SLC24A2: variants seen among roughly 807,000 people sequenced by gnomAD.
The protein encoded by SLC24A2 is sodium/potassium/calcium exchanger 2.
SLC24A2 carries 36 observed loss-of-function variants against 62.0 expected under a neutral mutation model. That is an observed-to-expected ratio of 0.58 (90% CI 0.44 to 0.77). The LOEUF (loss-of-function observed/expected upper bound fraction) is 0.77. Ranked by LOEUF, SLC24A2 falls within the 30% of genes least tolerant of loss-of-function variation. The pLI, the probability that SLC24A2 is intolerant of heterozygous loss-of-function variation, is 0.00. For synonymous variants in SLC24A2, 358 were observed against 294.0 expected (o/e 1.22, Z -2.23); for missense variants, 846 against 817.9 (o/e 1.03, Z -0.42).
chr9:20,009,794 G>T, the SLC24A2 span, among the ~76,000 whole-genome samples: 3 of 152,082 alleles, frequency 2.0e-5, no homozygotes, highest in Admixed American at 2.0e-4. Flanking sequence ...TCCAGCTGCA[G>T]CATGATTACT....
At chr9:19,569,296 A>G (rs1020674125) in intron 7 of SLC24A2, among the ~76,000 whole-genome samples, 8 of 152,208 alleles carry the variant, frequency 5.3e-5, no homozygotes, top group Non-Finnish European at 7.3e-5. Flanking sequence ...TGTGGACCAC[A>G]GTGTGCCAAT....
chr9:19,550,776 C>T (rs571532924), intron 7 of SLC24A2, among the ~76,000 whole-genome samples: 1 of 150,296 alleles, frequency 6.7e-6, no homozygotes, highest in African/African-American at 2.4e-5. Flanking sequence ...TTCAGTAATA[C>T]TACTAAGAGA....
the SLC24A2 span, among the ~76,000 whole-genome samples, chr9:19,955,734 C>T: frequency 6.6e-6 from 1 of 152,038 alleles, no homozygotes; most frequent in East Asian, 1.9e-4. Context: ...TTTCCTCCAT[C>T]CTCTCCCAAA....
At chr9:20,069,123 T>C in the SLC24A2 span, among the ~76,000 whole-genome samples, 1 of 152,214 alleles carries the variant, frequency 6.6e-6, no homozygotes, top group Admixed American at 6.5e-5. Context: ...CTTGACTTTT[T>C]CTTCTCCCTT....
chr9:20,168,506 CA>C, the SLC24A2 span, among the ~76,000 whole-genome samples: 1 of 151,324 alleles, frequency 6.6e-6, no homozygotes. Flanking sequence ...TTCAACTCAA[CA>C]AAAAAGGAAG....
chr9:19,788,790 C>T (rs967385095), intron 1 of SLC24A2, 95 bp downstream of exon 1: 1 of 985,468 alleles, frequency 1.0e-6, no homozygotes, highest in Non-Finnish European at 1.2e-6. Context: ...CACCTGTGAG[C>T]CTGCAGAGCA....
chr9:19,619,511 C>A, intron 4 of SLC24A2, 73 bp downstream of exon 4: 2 of 1,153,628 alleles, frequency 1.7e-6, no homozygotes, highest in East Asian at 2.3e-5. Flanking sequence ...AGCACAAACA[C>A]GTTTTATGCA....
intron 2 of SLC24A2, among the ~76,000 whole-genome samples, chr9:19,644,493 G>A (rs1287088114): frequency 2.0e-5 from 3 of 152,092 alleles, no homozygotes; most frequent in African/African-American, 7.2e-5. Flanking sequence ...AGTGAGAAAG[G>A]GAAATATTCA....
At chr9:19,996,691 G>A in the SLC24A2 span, among the ~76,000 whole-genome samples, 2 of 147,406 alleles carry the variant, frequency 1.4e-5, no homozygotes, top group African/African-American at 2.5e-5. Flanking sequence ...GCAGTGAGCC[G>A]AGATGGTGCC....
chr9:19,636,315 T>TTTTCTTTCC lies in SLC24A2; in HGVS notation c.931-14017_931-14016insGGAAAGAAA, dbSNP rs1818329839. 1.2e-4 allele frequency among the ~76,000 whole-genome samples: 5 copies of TTTTCTTTCC among 40,320 alleles called. 1 individual carries two copies. The highest frequency in any genetic ancestry group is 4.6e-4 in the African/African-American group (4 of 8,652). The allele number at this position is 40,320 out of a possible 152,430, so 26.5% of individuals were successfully genotyped here. ...TTTTCTTTTCTTTTCTTTTCTTTTC[T>TTTTCTTTCC]TTTCTTTCTTTCTTTCTTTCTTTCT... On this transcript the variant is annotated intron_variant, in intron 2 of 10. Coordinates refer to ENST00000341998, the MANE Select transcript of SLC24A2 (RefSeq NM_020344.4).
At chr9:20,198,693 A>G in the SLC24A2 span, among the ~76,000 whole-genome samples, 1 of 115,354 alleles carries the variant, frequency 8.7e-6, no homozygotes, top group East Asian at 2.3e-4. Flanking sequence ...CTCCACCCCC[A>G]CCCCCTTCTC....
intron 4 of SLC24A2, among the ~76,000 whole-genome samples, chr9:19,610,280 AT>A (rs1044711169): frequency 6.6e-6 from 1 of 151,966 alleles, no homozygotes; most frequent in Non-Finnish European, 1.5e-5. Context: ...AAGAACCTTC[AT>A]TTTTTTTGCA....
At chr9:19,629,788 C>G (rs912249098) in intron 2 of SLC24A2, among the ~76,000 whole-genome samples, 1 of 152,118 alleles carries the variant, frequency 6.6e-6, no homozygotes, top group Non-Finnish European at 1.5e-5. Flanking sequence ...AGGACTAGTG[C>G]TATTTCATTG....
At chr9:19,522,930 G>T (rs1833268371) in intron 9 of SLC24A2, among the ~76,000 whole-genome samples, 1 of 152,228 alleles carries the variant, frequency 6.6e-6, no homozygotes, top group African/African-American at 2.4e-5. Flanking sequence ...AGACTGAGCA[G>T]ATGCTGACTA....
At chr9:19,849,075 C>G in the SLC24A2 span, among the ~76,000 whole-genome samples, 108,548 of 152,048 alleles carry the variant, frequency 0.71, 39,002 homozygotes, top group Non-Finnish European at 0.74. Flanking sequence ...GAAATGTGTA[C>G]AGGGCTGGGG....
chr9:19,525,390 AC>A (rs57906810), intron 9 of SLC24A2, among the ~76,000 whole-genome samples: 1 of 42,518 alleles, frequency 2.4e-5, no homozygotes, highest in African/African-American at 1.3e-4. Flanking sequence ...CTATTTCTTT[AC>A]TTTTTTTTTT....
At chr9:20,017,242 C>T in the SLC24A2 span, among the ~76,000 whole-genome samples, 1 of 152,134 alleles carries the variant, frequency 6.6e-6, no homozygotes, top group African/African-American at 2.4e-5. Flanking sequence ...AGACTGGTCT[C>T]GAACTCCTGG....
chr9:19,630,771 T>A (rs920494863), intron 2 of SLC24A2, among the ~76,000 whole-genome samples: 3 of 152,124 alleles, frequency 2.0e-5, no homozygotes, highest in Admixed American at 2.0e-4. Flanking sequence ...TTTAATAATA[T>A]AAATGCAAAT....
chr9:19,681,875 C>A (rs77507978), intron 2 of SLC24A2, among the ~76,000 whole-genome samples: 3,571 of 152,210 alleles, frequency 0.023, 84 homozygotes, highest in East Asian at 0.091. Flanking sequence ...ATTCAATTAA[C>A]CTTTATCTAA....
Sources: gnomAD v4.1 joint callset for allele counts (sites outside exome capture counted in the v4.1 genomes callset) on GRCh38, gnomAD v4.1.1 for gene constraint, MANE v1.5 for transcripts, NCBI Gene and HGNC (gene_info 2026-07-23, HGNC 2026-07-21) for gene names.